CMC4: variants seen among roughly 807,000 people sequenced by gnomAD.
CMC4 encodes the protein cx9C motif-containing protein 4.
CMC4 carries 4 observed loss-of-function variants against 5.1 expected under a neutral mutation model. The ratio of observed to expected loss-of-function variants is 0.78; its 90% CI spans 0.38 to 1.78. The LOEUF (loss-of-function observed/expected upper bound fraction) is 1.78. Among genes scored for constraint, CMC4 ranks in the 40% most tolerant of loss-of-function variants. The pLI is 0.04. For missense variants in CMC4, 52 were observed against 51.3 expected (o/e 1.01, Z -0.04); for synonymous variants, 23 against 18.9 (o/e 1.22, Z -0.57).
intron 1 of CMC4, chrX:155,065,703 C>A (rs781918212): frequency 8.3e-7 from 1 of 1,211,392 alleles, no homozygotes; most frequent in Non-Finnish European, 1.1e-6. Context: ...TGAGAGGTAG[C>A]TGGGAGGTAA....
chrX:155,067,643 T>C (rs1446329396), intron 1 of CMC4, among the ~76,000 whole-genome samples: 1 of 112,526 alleles, frequency 8.9e-6, no homozygotes, highest in Non-Finnish European at 1.9e-5. Context: ...TACTGTAGCA[T>C]TTATATTTAA....
chrX:155,065,224 T>C, intron 1 of CMC4: 3 of 383,703 alleles, frequency 7.8e-6, no homozygotes, highest in East Asian at 8.3e-5. Flanking sequence ...GTAACCTCTC[T>C]CTGCAGTTTC....
intron 2 of CMC4, among the ~76,000 whole-genome samples, chrX:155,062,355 T>C (rs2073931486): frequency 8.9e-6 from 1 of 112,232 alleles, no homozygotes; most frequent in Non-Finnish European, 1.9e-5. Flanking sequence ...TTTAAGCTGA[T>C]TGTTGGACCT....
rs200420715 is a variant in CMC4, at chrX:155,061,878, C to T, written c.172G>A (p.Glu58Lys). The stretch of plus-strand genomic sequence containing the variant: ...GCAGACTTCCGTGTTAGGTTTTCTT[C>T]CTCTTCTTTTTCAAATCCTGAACAG... ...VVCSGFEKEE[E>K]ENLTRKSASK The change falls in exon 3 of 3, where the codon GAA becomes AAA. Residue 58 changes from glutamate to lysine, a missense_variant. Coordinates refer to ENST00000369484, the MANE Select transcript of CMC4 (RefSeq NM_001018024.3). 5.8e-6 allele frequency: 7 copies of T among 1,208,947 alleles called. No individual in the cohort carries two copies. In the Admixed American group the frequency reaches 6.6e-5, roughly 11 times the overall value.
At chrX:155,064,916 A>G (rs1166491614) in intron 1 of CMC4, 1 of 115,927 alleles carries the variant, frequency 8.6e-6, no homozygotes, top group Non-Finnish European at 1.8e-5. Flanking sequence ...GAAACACTGG[A>G]GCAAAACCTA....
At chrX:155,069,172 CTT>C (rs1557292222) in intron 1 of CMC4, among the ~76,000 whole-genome samples, 1 of 112,710 alleles carries the variant, frequency 8.9e-6, no homozygotes, top group African/African-American at 3.2e-5. Flanking sequence ...AGAATAAATT[CTT>C]TTGTGTCTTT....
At chrX:155,066,184 C>T (rs1422698893) in intron 1 of CMC4, 7 of 414,937 alleles carry the variant, frequency 1.7e-5, no homozygotes, top group African/African-American at 2.5e-5. Context: ...TTTGCACAAC[C>T]TAAATAGAAC....
chrX:155,061,805 C>T lies in CMC4; in HGVS notation c.*38G>A. 1 of 1,191,717 alleles carries T rather than the reference C, an allele frequency of 8.4e-7. No individual in the cohort carries two copies. The highest frequency in any genetic ancestry group is 1.1e-6 in the Non-Finnish European group (1 of 884,888). On this transcript the variant is annotated 3_prime_UTR_variant, in exon 3 of 3. Transcript: ENST00000369484. Reference sequence around the variant, plus strand: ...AAGAGTCAGGAGGATAAAAAAAATTCATTTGGTGGAAACATGGAGCAGCAC... The same window carrying T: ...AAGAGTCAGGAGGATAAAAAAAATTTATTTGGTGGAAACATGGAGCAGCAC...
At position 155,061,802 on chromosome X, in the gene CMC4, A is replaced by C; in HGVS notation, c.*41T>G. ...CTGAAGAGTCAGGAGGATAAAAAAA[A>C]TTCATTTGGTGGAAACATGGAGCAG... On this transcript the variant is annotated 3_prime_UTR_variant, in exon 3 of 3. Coordinates refer to ENST00000369484, the MANE Select transcript of CMC4 (RefSeq NM_001018024.3). 1 of 1,190,884 alleles carries C rather than the reference A, an allele frequency of 8.4e-7. No homozygotes were observed. The highest frequency in any genetic ancestry group is 1.7e-5 in the African/African-American group (1 of 57,159).
At chrX:155,065,293 C>T in intron 1 of CMC4, 1 of 444,105 alleles carries the variant, frequency 2.3e-6, no homozygotes, top group South Asian at 3.9e-5. Context: ...GTTTTTCAAC[C>T]CACTCCCTCC....
chrX:155,062,761 G>GC (rs782136161), intron 2 of CMC4, among the ~76,000 whole-genome samples: 9 of 111,399 alleles, frequency 8.1e-5, no homozygotes, highest in Non-Finnish European at 1.3e-4. Flanking sequence ...TAGACCAAGG[G>GC]CGGGGTTGGC....
chrX:155,062,018 T>G, intron 2 of CMC4, 27 bp from the exon 3 acceptor site: 1 of 1,198,318 alleles, frequency 8.3e-7, no homozygotes, highest in Non-Finnish European at 1.1e-6. Flanking sequence ...CAGACTCTAG[T>G]CATGATCTCA....
At chrX:155,066,941 C>G (rs1296225414) in intron 1 of CMC4, among the ~76,000 whole-genome samples, 3 of 111,963 alleles carry the variant, frequency 2.7e-5, no homozygotes, top group African/African-American at 9.8e-5. Flanking sequence ...ATCCTCTGCC[C>G]AAGCCCCAGA....
rs181813855 is a variant in CMC4, at chrX:155,061,943, C to A, written c.107G>T (p.Arg36Leu). 8.3e-7 allele frequency: 1 copy of A among 1,211,123 alleles called. No individual in the cohort carries two copies. The highest frequency in any genetic ancestry group is 1.1e-6 in the Non-Finnish European group (1 of 895,140). The change falls in exon 3 of 3, where the codon CGT (arginine) becomes CTT (leucine). Residue 36 changes from arginine to leucine, a missense_variant. Coordinates refer to ENST00000369484, the MANE Select transcript of CMC4 (RefSeq NM_001018024.3). ...SKCQAVIQEL[R>L]KCCAQYPKGR... Reference sequence around the variant, plus strand: ...CTTGGGATACTGAGCACAACACTTACGCAGTTCTTGGATGACAGCCTGACA... The same window carrying A: ...CTTGGGATACTGAGCACAACACTTAAGCAGTTCTTGGATGACAGCCTGACA...
In CMC4 at chrX:155,061,947, G is replaced by A; in HGVS notation, c.103C>T (p.Leu35=). ...GGATACTGAGCACAACACTTACGCA[G>A]TTCTTGGATGACAGCCTGACACTTT... The part of the protein sequence containing the change: ...ESKCQAVIQE[L]RKCCAQYPKG... Residue 35 remains leucine, a synonymous_variant, in exon 3 of 3, where the codon CTG becomes TTG. Transcript: ENST00000369484. 2.5e-6 allele frequency: 3 copies of A among 1,210,946 alleles called. No individual in the cohort carries two copies. Among genetic ancestry groups the A allele is most frequent in the Non-Finnish European group, 3.4e-6 (3 of 895,076 alleles).
At position 155,065,713 on chromosome X, in the gene CMC4, A is replaced by G. The variant is rs915406512; in HGVS notation, c.-10-1680T>C. On this transcript the variant is annotated intron_variant, in intron 1 of 2. Coordinates refer to ENST00000369484, the MANE Select transcript of CMC4 (RefSeq NM_001018024.3). ...CCACATGAGAGGTAGCTGGGAGGTA[A>G]GAAGGTGACTTGGCCTAGCTGCGTC... The G allele has an allele frequency of 6.6e-6, 8 of 1,209,645 alleles. No homozygotes were observed. Among genetic ancestry groups the G allele is most frequent in the Non-Finnish European group, 8.9e-6 (8 of 894,922 alleles).
rs1178327401 is a variant in CMC4 at position 155,061,655 on chromosome X, A to G, written c.*188T>C. On this transcript the variant is annotated 3_prime_UTR_variant, in exon 3 of 3. Coordinates refer to ENST00000369484, the MANE Select transcript of CMC4 (RefSeq NM_001018024.3). ...TTAAACAGGTTTATTTTAGCAGCTC[A>G]GTATATTACATTCTACATATTTGTC... is the stretch of plus-strand genomic sequence containing the variant. The G allele has an allele frequency of 2.3e-6, 1 of 436,801 alleles. No individual in the cohort carries two copies. Among genetic ancestry groups the G allele is most frequent in the African/African-American group, 2.5e-5 (1 of 39,953 alleles). 36.0% of individuals were successfully genotyped at this position (436,801 alleles called of 1,213,427 possible).
chrX:155,069,082 T>C (rs1474755649), intron 1 of CMC4, among the ~76,000 whole-genome samples: 1 of 112,708 alleles, frequency 8.9e-6, no homozygotes, highest in Non-Finnish European at 1.9e-5. Context: ...TTTTGTAAAT[T>C]AGGTTTTAAA....
chrX:155,064,760 G>C (rs1225399322), intron 1 of CMC4: 1 of 111,891 alleles, frequency 8.9e-6, no homozygotes, highest in Non-Finnish European at 1.9e-5. Context: ...CCACAATTTT[G>C]ATCAGCAACT....
Sources: allele counts gnomAD v4.1 joint callset (sites outside exome capture counted in the v4.1 genomes callset), GRCh38; gene constraint gnomAD v4.1.1; transcripts MANE v1.5; gene names NCBI Gene and HGNC (gene_info 2026-07-23, HGNC 2026-07-21).